Variants in ULK4 observed in about 807,000 individuals in gnomAD.
ULK4 encodes the protein unc-51 like kinase 4.
ULK4 carries 133 observed loss-of-function variants against 160.6 expected under a neutral mutation model. The observed-to-expected ratio is 0.83, with a 90% CI of 0.72 to 0.96. The LOEUF is 0.96. ULK4 is among the 40% of genes least tolerant of loss of function. ULK4 has a pLI of 0.00. For missense variants in ULK4, 1,580 were observed against 1,499.5 expected, an observed-to-expected ratio of 1.05 and a Z score of -0.89; for synonymous variants, 534 against 539.8, an observed-to-expected ratio of 0.99 and a Z score of 0.15.
intron 16 of ULK4, among the ~76,000 whole-genome samples, chr3:41,893,274 C>T (rs558115136): frequency 2.9e-4 from 44 of 152,124 alleles, no homozygotes; most frequent in African/African-American, 1.0e-3. Context: ...ATAAAAATGG[C>T]TAAAATGGAA....
intron 30 of ULK4, among the ~76,000 whole-genome samples, chr3:41,640,147 G>C (rs1351866625): frequency 1.3e-5 from 2 of 152,122 alleles, no homozygotes; most frequent in Non-Finnish European, 2.9e-5. Flanking sequence ...ATACAAAAGG[G>C]AGGTCCCATT....
At chr3:41,389,564 G>A (rs1229601711) in intron 35 of ULK4, among the ~76,000 whole-genome samples, 1 of 152,162 alleles carries the variant, frequency 6.6e-6, no homozygotes, top group African/African-American at 2.4e-5. Context: ...CTAATTTACT[G>A]AGAGTTATTA....
intron 2 of ULK4, 74 bp downstream of exon 2, chr3:41,954,547 AC>A (rs1451464808): frequency 1.3e-6 from 2 of 1,498,778 alleles, no homozygotes; most frequent in African/African-American, 2.8e-5. Flanking sequence ...TTCAATGACT[AC>A]TGTGAAAATG....
chr3:41,338,798 A>T (rs1384209639), intron 35 of ULK4, among the ~76,000 whole-genome samples: 1 of 151,904 alleles, frequency 6.6e-6, no homozygotes, highest in Non-Finnish European at 1.5e-5. Flanking sequence ...TACATATCAG[A>T]TGTTATAGAT....
At chr3:41,946,890 G>C (rs1338256428) in intron 2 of ULK4, among the ~76,000 whole-genome samples, 1 of 152,168 alleles carries the variant, frequency 6.6e-6, no homozygotes, top group South Asian at 2.1e-4. Flanking sequence ...TGGCCCTACT[G>C]TGGTCTTTGA....
chr3:41,700,322 C>T (rs2036631739), intron 27 of ULK4, among the ~76,000 whole-genome samples: 1 of 152,134 alleles, frequency 6.6e-6, no homozygotes, highest in African/African-American at 2.4e-5. Flanking sequence ...GGGACCCCTG[C>T]ACTCCCATCC....
In ULK4 at chr3:41,677,593, A is replaced by T. The variant is rs151048911; in HGVS notation, c.2978+3915T>A. ...TGATCCGCATGCCTCGGCCTCCCAA[A>T]GTGCTGGGATTACAGGTGAGAGCCA... On this transcript the variant is annotated intron_variant, in intron 29 of 36. Transcript: ENST00000301831. Among the ~76,000 whole-genome samples, 443 of 152,216 alleles carry T rather than the reference A, an allele frequency of 2.9e-3. 2 individuals carry two copies. The highest frequency in any genetic ancestry group is 9.8e-3 in the African/African-American group (408 of 41,534).
chr3:41,913,230 T>A (rs1160758122), intron 8 of ULK4: 1 of 162,240 alleles, frequency 6.2e-6, no homozygotes, highest in Non-Finnish European at 1.3e-5. Flanking sequence ...TCTTTTTTTT[T>A]TTTTTTTTTT....
At chr3:41,272,269 A>T (rs772603429) in intron 35 of ULK4, among the ~76,000 whole-genome samples, 31 of 150,624 alleles carry the variant, frequency 2.1e-4, no homozygotes, top group Non-Finnish European at 3.8e-4. Flanking sequence ...TTCCTGTAGT[A>T]CCAGTCTGCT....
chr3:41,252,996 C>A (rs1019561093), intron 35 of ULK4, among the ~76,000 whole-genome samples: 2 of 151,996 alleles, frequency 1.3e-5, no homozygotes, highest in African/African-American at 4.8e-5. Context: ...TTTTAAGATG[C>A]TAAATGAAAT....
At chr3:41,707,405 G>A (rs1043644219) in intron 25 of ULK4, among the ~76,000 whole-genome samples, 1 of 152,110 alleles carries the variant, frequency 6.6e-6, no homozygotes, top group Non-Finnish European at 1.5e-5. Context: ...CACCCTGAAG[G>A]AAACAACAGA....
At chr3:41,575,415 G>A (rs1193302635) in intron 31 of ULK4, among the ~76,000 whole-genome samples, 1 of 152,136 alleles carries the variant, frequency 6.6e-6, no homozygotes, top group Non-Finnish European at 1.5e-5. Context: ...AGGGGCTGAG[G>A]AGGCAGAGGG....
chr3:41,854,420 A>G (rs1019440302), intron 17 of ULK4, among the ~76,000 whole-genome samples: 1 of 152,140 alleles, frequency 6.6e-6, no homozygotes, highest in African/African-American at 2.4e-5. Context: ...AAATCATGAG[A>G]TCTGGGATTA....
At chr3:41,426,679 T>C (rs1191056159) in intron 34 of ULK4, among the ~76,000 whole-genome samples, 3 of 151,964 alleles carry the variant, frequency 2.0e-5, no homozygotes, top group Non-Finnish European at 2.9e-5. Flanking sequence ...GGGTAAATAA[T>C]ACAGTTAAGA....
intron 19 of ULK4, among the ~76,000 whole-genome samples, chr3:41,805,902 A>G (rs946290880): frequency 4.8e-5 from 7 of 145,830 alleles, no homozygotes; most frequent in African/African-American, 1.8e-4. Context: ...TTTATTGAGG[A>G]TTTTTGCATC....
rs989902822 is a variant in ULK4, at chr3:41,705,317, T to A, written c.2635-12A>T. 3 of 1,590,534 alleles carry A rather than the reference T, an allele frequency of 1.9e-6. No homozygotes were observed. The highest frequency in any genetic ancestry group is 2.6e-6 in the Non-Finnish European group (3 of 1,166,284). ...GATTTAATATGACTCTGAAAAAAAA[T>A]AAATTTTTAATAAATAGAGTTTCAA... On this transcript the variant is annotated splice_polypyrimidine_tract_variant and intron_variant, in intron 25 of 36. Coordinates refer to ENST00000301831, the MANE Select transcript of ULK4 (RefSeq NM_017886.4).
intron 19 of ULK4, among the ~76,000 whole-genome samples, chr3:41,806,281 T>C (rs927341660): frequency 1.3e-4 from 19 of 151,724 alleles, no homozygotes; most frequent in Non-Finnish European, 2.8e-4. Context: ...TAGAGGTGTT[T>C]GTAGTATTCT....
intron 35 of ULK4, among the ~76,000 whole-genome samples, chr3:41,388,989 G>GATTCTT (rs2081889854): frequency 6.6e-6 from 1 of 151,794 alleles, no homozygotes; most frequent in South Asian, 2.1e-4. Context: ...TCACGATATT[G>GATTCTT]ATTCTTCCTA....
At chr3:41,276,958 C>T (rs927444009) in intron 35 of ULK4, among the ~76,000 whole-genome samples, 2 of 152,086 alleles carry the variant, frequency 1.3e-5, no homozygotes, top group African/African-American at 4.8e-5. Flanking sequence ...AACTGAAATA[C>T]AAAAGGCTAC....
Sources: allele counts gnomAD v4.1 joint callset (sites outside exome capture counted in the v4.1 genomes callset), GRCh38; gene constraint gnomAD v4.1.1; transcripts MANE v1.5; gene names NCBI Gene and HGNC (gene_info 2026-07-23, HGNC 2026-07-21).